The following RGS18 variants were observed in gnomAD, a reference collection of about 807,000 sequenced individuals.
The protein encoded by RGS18 is regulator of G protein signaling 18, also known as regulator of G-protein signaling 18.
A neutral mutation model predicts 27.6 loss-of-function variants in RGS18; 22 were observed. The ratio of observed to expected loss-of-function variants is 0.80; its 90% CI spans 0.57 to 1.14. The LOEUF (loss-of-function observed/expected upper bound fraction) is 1.14, where lower values mean the gene tolerates loss of function less well. Ranked by LOEUF, RGS18 falls within the 50% of genes most tolerant of loss-of-function variation. The pLI is 0.00. For missense variants in RGS18, 299 were observed against 269.6 expected, an observed-to-expected ratio of 1.11 and a Z score of -0.76; for synonymous variants, 89 against 84.6, an observed-to-expected ratio of 1.05 and a Z score of -0.29.
At chr1:192,160,340 T>G in intron 2 of RGS18, 38 bp from the exon 3 acceptor site, 1 of 1,394,398 alleles carries the variant, frequency 7.2e-7, no homozygotes, top group Non-Finnish European at 1.0e-6. Flanking sequence ...ACAGACTTTC[T>G]GCACACTCCA....
At chr1:192,174,723 T>G (rs1656327112) in intron 3 of RGS18, among the ~76,000 whole-genome samples, 2 of 151,878 alleles carry the variant, frequency 1.3e-5, no homozygotes, top group South Asian at 4.1e-4. Flanking sequence ...TTCAGATTTC[T>G]TATGCTTAAC....
At position 192,158,774 on chromosome 1, in the gene RGS18, T is replaced by A; in HGVS notation, c.119+18T>A. Reference sequence around the variant, plus strand: ...AAAATCAGGTAAAATTGTACAATTTTAAGTCAGCCTTATACTTTTAAAAGC... The same window carrying A: ...AAAATCAGGTAAAATTGTACAATTTAAAGTCAGCCTTATACTTTTAAAAGC... On this transcript the variant is annotated intron_variant, in intron 1 of 4. Transcript: ENST00000367460. The A allele has an allele frequency of 6.8e-7, 1 of 1,477,192 alleles. No individual in the cohort carries two copies. Among genetic ancestry groups the A allele is most frequent in the Non-Finnish European group, 9.2e-7 (1 of 1,082,422 alleles). 91.5% of individuals were successfully genotyped at this position (1,477,192 alleles called of 1,614,324 possible).
chr1:192,183,763 G>A (rs561183005), intron 4 of RGS18, among the ~76,000 whole-genome samples: 8 of 151,688 alleles, frequency 5.3e-5, no homozygotes, highest in South Asian at 2.1e-4. Flanking sequence ...GCCACAGAAA[G>A]AATAATGTTT....
At chr1:192,167,426 CT>C (rs887069789) in intron 3 of RGS18, among the ~76,000 whole-genome samples, 1,618 of 145,658 alleles carry the variant, frequency 0.011, 28 homozygotes, top group African/African-American at 0.037. Flanking sequence ...AAGCACTCAA[CT>C]TTTTTTTTTT....
chr1:192,170,080 G>A (rs1035993286), intron 3 of RGS18, among the ~76,000 whole-genome samples: 1 of 152,174 alleles, frequency 6.6e-6, no homozygotes, highest in South Asian at 2.1e-4. Context: ...GCTAACTGCC[G>A]AAAGTTTAGT....
In RGS18 at chr1:192,184,382, G is replaced by C. The variant is rs560137341; in HGVS notation, c.536G>C (p.Arg179Thr). The change falls in exon 5 of 5, where the codon AGA becomes ACA. Residue 179 changes from arginine to threonine, a missense_variant. Transcript: ENST00000367460. ...TLHSFDAAQS[R>T]VYQLMEQDSY... Reference sequence around the variant, plus strand: ...CACAGTTTTGATGCTGCACAAAGCAGAGTGTATCAGCTCATGGAACAAGAC... The same window carrying C: ...CACAGTTTTGATGCTGCACAAAGCACAGTGTATCAGCTCATGGAACAAGAC... The C allele has an allele frequency of 6.2e-7, 1 of 1,611,818 alleles. No homozygotes were observed. The highest frequency in any genetic ancestry group is 2.2e-5 in the East Asian group (1 of 44,784).
Position 192,158,600 on chromosome 1 carries a change from A to T in RGS18, c.-38A>T. On this transcript the variant is annotated 5_prime_UTR_variant, in exon 1 of 5. The change abolishes an upstream ATG in the 5' untranslated region. Transcript: ENST00000367460. The stretch of plus-strand genomic sequence containing the variant: ...GTATTAATAAATGAACTAGGGAAGG[A>T]TGTAATAAATTAGACATCTCTTCAT... 1 of 1,492,770 alleles carries T rather than the reference A, an allele frequency of 6.7e-7. No individual in the cohort carries two copies. The allele number at this position is 1,492,770 out of a possible 1,614,324, so 92.5% of individuals were successfully genotyped here. A position where few individuals can be genotyped will look rare whatever the true frequency, so the allele number is the denominator to read the frequency against.
chr1:192,172,864 C>CATATATATATTT (rs1553229363), intron 3 of RGS18, among the ~76,000 whole-genome samples: 1 of 135,544 alleles, frequency 7.4e-6, no homozygotes, highest in East Asian at 2.3e-4. Flanking sequence ...GAAAAATATG[C>CATATATATATTT]ATATATATAT....
chr1:192,173,346 A>G lies in RGS18; in HGVS notation c.284-7946A>G, dbSNP rs114597263. ...TACTTTGTGTAGAATCTTTGCTTCT[A>G]TAATCATGAGAGATATTGTGTAATT... On this transcript the variant is annotated intron_variant, in intron 3 of 4. Transcript: ENST00000367460. Among the ~76,000 whole-genome samples, 1,489 of 152,028 alleles carry G rather than the reference A, an allele frequency of 9.8e-3. 24 individuals are homozygous for G. The highest frequency in any genetic ancestry group is 0.034 in the African/African-American group (1,430 of 41,534).
At chr1:192,179,351 T>G (rs1016197665) in intron 3 of RGS18, among the ~76,000 whole-genome samples, 3 of 151,624 alleles carry the variant, frequency 2.0e-5, no homozygotes, top group Non-Finnish European at 4.4e-5. Flanking sequence ...TGATTTATTC[T>G]GAGAAAGTTT....
rs1440746040 is a variant in RGS18, at chr1:192,181,423, T to C, written c.415T>C (p.Tyr139His). The C allele has an allele frequency of 6.3e-7, 1 of 1,582,368 alleles. No homozygotes were observed. The highest frequency in any genetic ancestry group is 8.6e-7 in the Non-Finnish European group (1 of 1,167,270). The change falls in exon 4 of 5, where the codon TAT becomes CAT. Residue 139 changes from tyrosine to histidine, a missense_variant. Coordinates refer to ENST00000367460, the MANE Select transcript of RGS18 (RefSeq NM_130782.3). ...QQIHLKAKAI[Y>H]EKFIQTDAPK... ...AATTCACCTTAAAGCAAAAGCAATA[T>C]ATGAGAAATTTATACAGACTGATGC...
At chr1:192,172,643 C>T (rs1006078880) in intron 3 of RGS18, among the ~76,000 whole-genome samples, 11 of 151,732 alleles carry the variant, frequency 7.2e-5, no homozygotes, top group Non-Finnish European at 7.4e-5. Flanking sequence ...GAGTCAGGTC[C>T]TTCTTAGGTC....
At chr1:192,163,217 T>C (rs1372231208) in intron 3 of RGS18, 1 of 152,226 alleles carries the variant, frequency 6.6e-6, no homozygotes, top group East Asian at 1.9e-4. Context: ...ATGTCAATGA[T>C]TGCTGCTATT....
In RGS18 at chr1:192,159,291, G is replaced by A; in HGVS notation, c.191G>A (p.Ser64Asn). 1 of 1,613,286 alleles carries A rather than the reference G, an allele frequency of 6.2e-7. No homozygotes were observed. The highest frequency in any genetic ancestry group is 1.1e-5 in the South Asian group (1 of 91,050). Residue 64 changes from serine to asparagine, a missense_variant, in exon 2 of 5, where the codon AGT becomes AAT. Transcript: ENST00000367460. ...KPEFHEDTRS[S>N]RSGHLAKETR... ...GAGTTTCATGAAGACACCCGCTCCA[G>A]TAGATCTGGGCACTTGGCCAAAGAA...
intron 3 of RGS18, among the ~76,000 whole-genome samples, chr1:192,170,979 C>G (rs776761314): frequency 6.6e-6 from 1 of 152,076 alleles, no homozygotes; most frequent in South Asian, 2.1e-4. Flanking sequence ...CAAATAGGAA[C>G]GTTCTAAGGA....
intron 3 of RGS18, among the ~76,000 whole-genome samples, chr1:192,167,282 T>G (rs927053653): frequency 6.6e-6 from 1 of 152,066 alleles, no homozygotes; most frequent in Non-Finnish European, 1.5e-5. Context: ...AATGAGTACT[T>G]TTTCTTATAC....
At chr1:192,176,136 C>G (rs895229817) in intron 3 of RGS18, among the ~76,000 whole-genome samples, 1 of 151,790 alleles carries the variant, frequency 6.6e-6, no homozygotes, top group Non-Finnish European at 1.5e-5. Context: ...CAAGGTTATT[C>G]TGGTCAATTT....
intron 3 of RGS18, among the ~76,000 whole-genome samples, chr1:192,171,601 AG>A (rs1217219227): frequency 6.6e-6 from 1 of 152,094 alleles, no homozygotes; most frequent in East Asian, 1.9e-4. Flanking sequence ...GCCGTGGTGC[AG>A]AAGAGACCTA....
chr1:192,177,601 G>C (rs1656379270), intron 3 of RGS18, among the ~76,000 whole-genome samples: 2 of 151,698 alleles, frequency 1.3e-5, no homozygotes, highest in South Asian at 4.1e-4. Context: ...ACAGTAGAAG[G>C]CCATATATGA....
Sources: allele counts gnomAD v4.1 joint callset (sites outside exome capture counted in the v4.1 genomes callset), GRCh38; gene constraint gnomAD v4.1.1; transcripts MANE v1.5; gene names NCBI Gene and HGNC (gene_info 2026-07-23, HGNC 2026-07-21).